Variants in OR2T6 observed in about 807,000 individuals in gnomAD.
The protein encoded by OR2T6 is olfactory receptor 2T6.
For missense variants in OR2T6, 424 were observed against 391.6 expected, an observed-to-expected ratio of 1.08 and a Z score of -0.70; for synonymous variants, 174 against 148.0, an observed-to-expected ratio of 1.18 and a Z score of -1.27.
chr1:248,390,777 G>A lies in OR2T6; in HGVS notation c.*2242G>A, dbSNP rs1183564646. On this transcript the variant is annotated 3_prime_UTR_variant, in exon 3 of 3. Coordinates refer to ENST00000641644, the MANE Select transcript of OR2T6 (RefSeq NM_001005471.2). ...AGAGAAGGAGAGGGCTGGCCCATAAGAACTGATCATCAGTTTCAGCTCCAC... is the reference window on the plus strand; with the variant it reads ...AGAGAAGGAGAGGGCTGGCCCATAAAAACTGATCATCAGTTTCAGCTCCAC... 1 of 152,184 alleles carries A rather than the reference G, an allele frequency of 6.6e-6. No homozygotes were observed. The highest frequency in any genetic ancestry group is 1.5e-5 in the Non-Finnish European group (1 of 68,024). The allele number at this position is 152,184 out of a possible 1,614,324, so 9.4% of individuals were successfully genotyped here.
intron 2 of OR2T6, among the ~76,000 whole-genome samples, chr1:248,385,162 C>G (rs1455920925): frequency 6.6e-6 from 1 of 152,148 alleles, no homozygotes; most frequent in East Asian, 1.9e-4. Context: ...CAGAGACACA[C>G]AGCCAATCCT....
chr1:248,385,727 T>C (rs982015462), intron 2 of OR2T6, among the ~76,000 whole-genome samples: 6 of 152,232 alleles, frequency 3.9e-5, no homozygotes, highest in African/African-American at 1.4e-4. Flanking sequence ...CTTTTTAGAG[T>C]GTGTCTCCTA....
At position 248,388,637 on chromosome 1, in the gene OR2T6, G is replaced by C; in HGVS notation, c.*102G>C. 1 of 858,812 alleles carries C rather than the reference G, an allele frequency of 1.2e-6. No individual in the cohort carries two copies. The highest frequency in any genetic ancestry group is 1.8e-6 in the Non-Finnish European group (1 of 569,936). 53.2% of individuals were successfully genotyped at this position (858,812 alleles called of 1,614,324 possible). On this transcript the variant is annotated 3_prime_UTR_variant, in exon 3 of 3. Transcript: ENST00000641644. Reference sequence around the variant, plus strand: ...TATCATGGATACCACGGATGATGCTGACAGGAACTTTCAATACCAGCTGTG... The same window carrying C: ...TATCATGGATACCACGGATGATGCTCACAGGAACTTTCAATACCAGCTGTG...
Position 248,389,726 on chromosome 1 carries a change from A to AT in OR2T6, c.*1193dup, listed in dbSNP as rs1164035788. 7 of 152,258 alleles carry AT rather than the reference A, an allele frequency of 4.6e-5. No individual in the cohort carries two copies. Among genetic ancestry groups the AT allele is most frequent in the African/African-American group, 1.7e-4 (7 of 41,456 alleles). The allele number at this position is 152,258 out of a possible 1,614,324, so 9.4% of individuals were successfully genotyped here. On this transcript the variant is annotated 3_prime_UTR_variant, in exon 3 of 3. Coordinates refer to ENST00000641644, the MANE Select transcript of OR2T6 (RefSeq NM_001005471.2). ...CAAGCCACTCCACAAGTCAGTCAAT[A>AT]TTGCAAACCATACATAATAGTATAC... is the stretch of plus-strand genomic sequence containing the variant.
rs994247277 is a variant in OR2T6, at chr1:248,390,010, C to T, written c.*1475C>T. The T allele has an allele frequency of 6.6e-6, 1 of 152,148 alleles. No individual in the cohort carries two copies. Among genetic ancestry groups the T allele is most frequent in the African/African-American group, 2.4e-5 (1 of 41,432 alleles). 9.4% of individuals were successfully genotyped at this position (152,148 alleles called of 1,614,324 possible). A position where few individuals can be genotyped will look rare whatever the true frequency, so the allele number is the denominator to read the frequency against. Reference sequence around the variant, plus strand: ...ATGGCATCAGTTAACATGGCTATTTCGAGCTGCTGAAGGCCTGCTCTTTTA... The same window carrying T: ...ATGGCATCAGTTAACATGGCTATTTTGAGCTGCTGAAGGCCTGCTCTTTTA... On this transcript the variant is annotated 3_prime_UTR_variant, in exon 3 of 3. Transcript: ENST00000641644.
At chr1:248,382,462 A>G (rs11485480) in intron 1 of OR2T6, among the ~76,000 whole-genome samples, 13,592 of 148,708 alleles carry the variant, frequency 0.091, 1,870 homozygotes, top group African/African-American at 0.31. Flanking sequence ...TTGTGAAATC[A>G]CTCTTTTTAA....
rs977626616 is a variant in OR2T6 at position 248,391,659 on chromosome 1, T to C, written c.*3124T>C. The C allele has an allele frequency of 2.0e-5, 3 of 152,196 alleles. No homozygotes were observed. The highest frequency in any genetic ancestry group is 3.8e-4 in the East Asian group (2 of 5,202). 9.4% of individuals were successfully genotyped at this position (152,196 alleles called of 1,614,324 possible). A position where few individuals can be genotyped will look rare whatever the true frequency, so the allele number is the denominator to read the frequency against. ...ATAATAATGTATCAAAATTGATTCA[T>C]CTATTGTAACAAATGTACTACACTA... On this transcript the variant is annotated 3_prime_UTR_variant, in exon 3 of 3. Transcript: ENST00000641644.
Position 248,390,882 on chromosome 1 carries a change from C to T in OR2T6, c.*2347C>T, listed in dbSNP as rs1023944462. The stretch of plus-strand genomic sequence containing the variant: ...CTTTTTTATAAAATTTGACTTAATA[C>T]ATACTTTTTTTCTTGTAAGATTTTA... On this transcript the variant is annotated 3_prime_UTR_variant, in exon 3 of 3. Coordinates refer to ENST00000641644, the MANE Select transcript of OR2T6 (RefSeq NM_001005471.2). 3.3e-5 allele frequency: 5 copies of T among 152,162 alleles called. No individual in the cohort carries two copies. The highest frequency in any genetic ancestry group is 1.2e-4 in the African/African-American group (5 of 41,436). 9.4% of individuals were successfully genotyped at this position (152,162 alleles called of 1,614,324 possible).
chr1:248,376,343 A>G (rs1440240968), intron 1 of OR2T6, among the ~76,000 whole-genome samples: 1 of 152,250 alleles, frequency 6.6e-6, no homozygotes, highest in Non-Finnish European at 1.5e-5. Flanking sequence ...ATTGAAGGAA[A>G]TGAATTAAGC....
At chr1:248,382,561 C>CTTTTT in intron 1 of OR2T6, among the ~76,000 whole-genome samples, 1 of 122,812 alleles carries the variant, frequency 8.1e-6, no homozygotes, top group African/African-American at 3.1e-5. Flanking sequence ...TAGATGGAGA[C>CTTTTT]TTGCTTTGTT....
At position 248,390,572 on chromosome 1, in the gene OR2T6, C is replaced by T. The variant is rs1372942250; in HGVS notation, c.*2037C>T. ...AATCAAGAAAATAGACCAGGTCTTG[C>T]CTAACAGAGCAGGGTTTTCAGTTGA... On this transcript the variant is annotated 3_prime_UTR_variant, in exon 3 of 3. Coordinates refer to ENST00000641644, the MANE Select transcript of OR2T6 (RefSeq NM_001005471.2). 1 of 152,154 alleles carries T rather than the reference C, an allele frequency of 6.6e-6. No homozygotes were observed. The highest frequency in any genetic ancestry group is 1.5e-5 in the Non-Finnish European group (1 of 68,026). The allele number at this position is 152,154 out of a possible 1,614,324, so 9.4% of individuals were successfully genotyped here. A position where few individuals can be genotyped will look rare whatever the true frequency, so the allele number is the denominator to read the frequency against.
At chr1:248,376,810 A>G (rs1000610114) in intron 1 of OR2T6, among the ~76,000 whole-genome samples, 8 of 152,078 alleles carry the variant, frequency 5.3e-5, no homozygotes, top group Non-Finnish European at 7.4e-5. Flanking sequence ...TTGCCCCTCT[A>G]TCTTCCTTCT....
chr1:248,385,683 A>C (rs1293561110), intron 2 of OR2T6, among the ~76,000 whole-genome samples: 1 of 152,178 alleles, frequency 6.6e-6, no homozygotes, highest in Non-Finnish European at 1.5e-5. Flanking sequence ...ATAATTTTAG[A>C]GTGTGTCCCC....
chr1:248,376,012 T>A lies in OR2T6; in HGVS notation c.-201T>A, dbSNP rs1012831337. 1.3e-5 allele frequency: 2 copies of A among 152,220 alleles called. No homozygotes were observed. Among genetic ancestry groups the A allele is most frequent in the African/African-American group, 2.4e-5 (1 of 41,458 alleles). 9.4% of individuals were successfully genotyped at this position (152,220 alleles called of 1,614,324 possible). On this transcript the variant is annotated 5_prime_UTR_variant, in exon 1 of 3. Transcript: ENST00000641644. The stretch of plus-strand genomic sequence containing the variant: ...GTGAAGTTGTTTGTAAACAATTTTG[T>A]CTTTACCTAATATTCCTCTCTCTGG...
At chr1:248,383,031 T>G (rs1661067000) in intron 1 of OR2T6, among the ~76,000 whole-genome samples, 1 of 151,708 alleles carries the variant, frequency 6.6e-6, no homozygotes, top group African/African-American at 2.4e-5. Flanking sequence ...TCCTGAAGTG[T>G]TTCCTAGTGT....
In OR2T6 at chr1:248,388,626, C is replaced by T. The variant is rs1661194731; in HGVS notation, c.*91C>T. On this transcript the variant is annotated 3_prime_UTR_variant, in exon 3 of 3. Coordinates refer to ENST00000641644, the MANE Select transcript of OR2T6 (RefSeq NM_001005471.2). ...ATATGGGGTCGTATCATGGATACCA[C>T]GGATGATGCTGACAGGAACTTTCAA... 16 of 951,218 alleles carry T rather than the reference C, an allele frequency of 1.7e-5. No homozygotes were observed. Among genetic ancestry groups the T allele is most frequent in the South Asian group, 9.4e-5 (5 of 53,404 alleles). 58.9% of individuals were successfully genotyped at this position (951,218 alleles called of 1,614,324 possible). A position where few individuals can be genotyped will look rare whatever the true frequency, so the allele number is the denominator to read the frequency against.
intron 1 of OR2T6, among the ~76,000 whole-genome samples, chr1:248,378,296 A>G (rs1660971343): frequency 6.6e-6 from 1 of 152,242 alleles, no homozygotes; most frequent in Admixed American, 6.5e-5. Flanking sequence ...TCATTACTTT[A>G]GCATTTTTTC....
chr1:248,375,818 G>C lies in OR2T6; in HGVS notation c.-395G>C, dbSNP rs931609645. ...ATGACATCCATGCCTTCAGTTAAGT[G>C]GTCATCTTCAAATACCTCTAACTGG... On this transcript the variant is annotated 5_prime_UTR_variant, in exon 1 of 3. Coordinates refer to ENST00000641644, the MANE Select transcript of OR2T6 (RefSeq NM_001005471.2). The C allele has an allele frequency of 3.3e-5, 5 of 150,704 alleles. 1 individual carries two copies. In the Admixed American group the frequency reaches 3.3e-4, roughly 10 times the overall value. 9.3% of individuals were successfully genotyped at this position (150,704 alleles called of 1,614,324 possible). A position where few individuals can be genotyped will look rare whatever the true frequency, so the allele number is the denominator to read the frequency against.
At position 248,387,981 on chromosome 1, in the gene OR2T6, G is replaced by A. The variant is rs1331456890; in HGVS notation, c.373G>A (p.Ala125Thr). 1 of 1,610,218 alleles carries A rather than the reference G, an allele frequency of 6.2e-7. No homozygotes were observed. Among genetic ancestry groups the A allele is most frequent in the Non-Finnish European group, 8.5e-7 (1 of 1,177,992 alleles). The change falls in exon 3 of 3, where the codon GCC (alanine) becomes ACC (threonine). Residue 125 changes from alanine (A) to threonine (T), a missense_variant. Transcript: ENST00000641644. ...GCTCATGGCCTATGACCGCTACGTG[G>A]CCATCTGCAACCCACTGCGCTATCC... ...LGLMAYDRYV[A>T]ICNPLRYPVL...
Sources: allele counts gnomAD v4.1 joint callset (sites outside exome capture counted in the v4.1 genomes callset), GRCh38; gene constraint gnomAD v4.1.1; transcripts MANE v1.5; gene names NCBI Gene and HGNC (gene_info 2026-07-23, HGNC 2026-07-21).